Variants in CPEB1 observed in about 807,000 individuals in gnomAD.
CPEB1 encodes cytoplasmic polyadenylation element binding protein 1, also known as cytoplasmic polyadenylation element-binding protein 1.
In CPEB1, 7 loss-of-function variants were observed where a neutral mutation model predicts 65.8. The ratio of observed to expected loss-of-function variants is 0.11; its 90% CI spans 0.06 to 0.20. The LOEUF is 0.20. CPEB1 is among the 10% of genes least tolerant of loss of function. The probability of loss-of-function intolerance (pLI) is 1.00; values close to 1 mark genes in which losing one functional copy is unlikely to be tolerated. For synonymous variants in CPEB1, 262 were observed against 260.0 expected, an observed-to-expected ratio of 1.01 and a Z score of -0.08; for missense variants, 551 against 712.2, an observed-to-expected ratio of 0.77 and a Z score of 2.58.
intron 3 of CPEB1, among the ~76,000 whole-genome samples, chr15:82,575,511 A>G (rs2040550942): frequency 6.6e-6 from 1 of 152,336 alleles, no homozygotes; most frequent in African/African-American, 2.4e-5. Context: ...TCAAGATACC[A>G]CTAAGAAAAT....
At chr15:82,645,535 C>CA (rs771661549) in intron 1 of CPEB1, among the ~76,000 whole-genome samples, 11 of 152,118 alleles carry the variant, frequency 7.2e-5, no homozygotes, top group Non-Finnish European at 1.2e-4. Flanking sequence ...CAGGCACTAC[C>CA]AGGCCACCCA....
intron 4 of CPEB1, among the ~76,000 whole-genome samples, chr15:82,563,372 T>TG (rs2038575063): frequency 6.7e-6 from 1 of 149,118 alleles, no homozygotes; most frequent in Non-Finnish European, 1.5e-5. Context: ...TTTTTTTTTT[T>TG]TTTTTTTTTG....
chr15:82,580,886 C>G (rs2041222019), intron 3 of CPEB1, among the ~76,000 whole-genome samples: 1 of 149,494 alleles, frequency 6.7e-6, no homozygotes, highest in South Asian at 2.1e-4. Flanking sequence ...GGGTCTCCTT[C>G]TGTCACCCAG....
At position 82,547,219 on chromosome 15, in the gene CPEB1, A is replaced by C; in HGVS notation, c.1499T>G (p.Phe500Cys). ...KYPIGSGRVT[F>C]NNQRSYLKAV... ...TTTCAGGTAACTCCGTTGGTTATTGAAAGTCACACGACCAGAACCTAGGAC... is the reference window on the plus strand; with the variant it reads ...TTTCAGGTAACTCCGTTGGTTATTGCAAGTCACACGACCAGAACCTAGGAC... The change falls in exon 11 of 13, where the codon TTC becomes TGC. Residue 500 changes from phenylalanine to cysteine, a missense_variant. Phe to Cys is a radical substitution (Grantham distance 205). This residue lies in a region of CPEB1 where 98 missense variants were observed against 157.6 expected (regional missense o/e 0.62). Transcript: ENST00000684509. 1 of 1,612,048 alleles carries C rather than the reference A, an allele frequency of 6.2e-7. No homozygotes were observed. Among genetic ancestry groups the C allele is most frequent in the Non-Finnish European group, 8.5e-7 (1 of 1,178,488 alleles).
chr15:82,588,118 A>ATT (rs11337546), intron 3 of CPEB1, among the ~76,000 whole-genome samples: 1 of 149,442 alleles, frequency 6.7e-6, no homozygotes, highest in East Asian at 2.0e-4. Flanking sequence ...TTGTTTTTGT[A>ATT]TTTTTTTTTT....
chr15:82,553,745 TC>T, intron 7 of CPEB1, 132 bp downstream of exon 7: 1 of 765,560 alleles, frequency 1.3e-6, no homozygotes, highest in Non-Finnish European at 2.3e-6. Flanking sequence ...AATGCACCTC[TC>T]CCCTCAGACA....
At chr15:82,601,744 A>T (rs546377070) in intron 3 of CPEB1, among the ~76,000 whole-genome samples, 2 of 152,346 alleles carry the variant, frequency 1.3e-5, no homozygotes, top group African/African-American at 4.8e-5. Context: ...AATAGGTATC[A>T]AAGTAAACTT....
chr15:82,621,863 C>G (rs573791780), intron 3 of CPEB1, among the ~76,000 whole-genome samples: 1 of 152,154 alleles, frequency 6.6e-6, no homozygotes, highest in Non-Finnish European at 1.5e-5. Flanking sequence ...TTTGGCTAGT[C>G]AATTCCTTTC....
chr15:82,610,980 A>G (rs1361842681), intron 3 of CPEB1, among the ~76,000 whole-genome samples: 7 of 148,384 alleles, frequency 4.7e-5, no homozygotes, highest in African/African-American at 1.2e-4. Context: ...AAAAAAAAAA[A>G]AAAAAAAAGA....
rs1595982716 is a variant in CPEB1, at chr15:82,543,401, C to G, written c.*1191G>C. On this transcript the variant is annotated 3_prime_UTR_variant, in exon 13 of 13. Coordinates refer to ENST00000684509, the MANE Select transcript of CPEB1 (RefSeq NM_001365242.1). ...GGAGGGAGGGGTTATGACACTGGTT[C>G]TTTGGCACACAGCTTCCCTAGGAGG... The G allele has an allele frequency of 7.3e-6, 1 of 136,074 alleles. No homozygotes were observed. Among genetic ancestry groups the G allele is most frequent in the Non-Finnish European group, 1.5e-5 (1 of 65,308 alleles). The allele number at this position is 136,074 out of a possible 1,614,324, so 8.4% of individuals were successfully genotyped here.
intron 3 of CPEB1, among the ~76,000 whole-genome samples, chr15:82,578,609 T>G (rs1057210601): frequency 6.6e-6 from 1 of 151,884 alleles, no homozygotes; most frequent in African/African-American, 2.4e-5. Context: ...ATACAAAAAT[T>G]AGCCGGGTGT....
At chr15:82,626,418 G>C (rs1044063151) in intron 3 of CPEB1, among the ~76,000 whole-genome samples, 13 of 152,140 alleles carry the variant, frequency 8.5e-5, no homozygotes, top group Non-Finnish European at 1.8e-4. Flanking sequence ...TGGCAACAGA[G>C]TGAGACTCCG....
intron 9 of CPEB1, among the ~76,000 whole-genome samples, chr15:82,551,386 G>C (rs1227927486): frequency 1.3e-5 from 2 of 152,078 alleles, no homozygotes; most frequent in Admixed American, 6.6e-5. Context: ...CATGAGAGTG[G>C]AACATTTTTT....
intron 9 of CPEB1, 77 bp downstream of exon 9, chr15:82,552,403 A>C: frequency 1.4e-6 from 2 of 1,425,732 alleles, no homozygotes; most frequent in Non-Finnish European, 1.9e-6. Context: ...CAGCCTGCCT[A>C]TCCACCTACC....
chr15:82,562,129 C>A (rs2151000393), intron 4 of CPEB1: 1 of 436,494 alleles, frequency 2.3e-6, no homozygotes, highest in East Asian at 7.1e-5. Flanking sequence ...GATGCTTTCC[C>A]ACTCCAAGTA....
At chr15:82,576,280 G>T (rs1285130059) in intron 3 of CPEB1, among the ~76,000 whole-genome samples, 1 of 152,194 alleles carries the variant, frequency 6.6e-6, no homozygotes, top group Non-Finnish European at 1.5e-5. Context: ...TCAGGTGGTT[G>T]CCTCTGGCAG....
At chr15:82,586,775 C>T (rs973666970) in intron 3 of CPEB1, among the ~76,000 whole-genome samples, 1 of 152,142 alleles carries the variant, frequency 6.6e-6, no homozygotes, top group African/African-American at 2.4e-5. Context: ...CTATACTTAG[C>T]GACATGGAAT....
intron 3 of CPEB1, among the ~76,000 whole-genome samples, chr15:82,587,117 A>T (rs2041867814): frequency 6.6e-6 from 1 of 152,234 alleles, no homozygotes; most frequent in South Asian, 2.1e-4. Flanking sequence ...TGGGAATTAA[A>T]ATGAGAATTC....
intron 2 of CPEB1, 70 bp from the exon 3 acceptor site, chr15:82,627,437 C>T (rs567063230): frequency 8.7e-5 from 105 of 1,200,964 alleles, no homozygotes; most frequent in African/African-American, 1.1e-4. Flanking sequence ...CTCCACATTA[C>T]GAATTAGATA....
Sources: allele counts gnomAD v4.1 joint callset (sites outside exome capture counted in the v4.1 genomes callset), GRCh38; gene constraint gnomAD v4.1.1; regional missense constraint gnomAD v4.1.1; transcripts MANE v1.5; gene names NCBI Gene and HGNC (gene_info 2026-07-23, HGNC 2026-07-21).